The following PLEKHH2 variants were observed in gnomAD, a reference collection of about 807,000 sequenced individuals.
The protein encoded by PLEKHH2 is pleckstrin homology domain-containing family H member 2.
PLEKHH2 carries 129 observed loss-of-function variants against 187.9 expected under a neutral mutation model. The observed-to-expected ratio is 0.69, with a 90% CI of 0.59 to 0.79. The LOEUF is 0.79. PLEKHH2 is among the 30% of genes least tolerant of loss of function. PLEKHH2 has a pLI of 0.00. For synonymous variants in PLEKHH2, 686 were observed against 605.6 expected (o/e 1.13, Z -1.95); for missense variants, 2,076 against 1,751.2 (o/e 1.19, Z -3.31).
intron 1 of PLEKHH2, among the ~76,000 whole-genome samples, chr2:43,644,001 T>C (rs1280736757): frequency 1.3e-5 from 2 of 152,084 alleles, no homozygotes. Context: ...CCAAATTGCA[T>C]GTATATGTGC....
Sources: allele counts gnomAD v4.1 joint callset (sites outside exome capture counted in the v4.1 genomes callset), GRCh38; gene constraint gnomAD v4.1.1; transcripts MANE v1.5; gene names NCBI Gene and HGNC (gene_info 2026-07-23, HGNC 2026-07-21).